The following EPHA3 variants were observed in gnomAD, a reference collection of about 807,000 sequenced individuals.
EPHA3 encodes EPH receptor A3, also known as ephrin type-A receptor 3.
A neutral mutation model predicts 107.1 loss-of-function variants in EPHA3; 42 were observed. The observed-to-expected ratio is 0.39, with a 90% CI of 0.31 to 0.51. The LOEUF (loss-of-function observed/expected upper bound fraction) is 0.51. EPHA3 is among the 20% of genes least tolerant of loss of function. The pLI, the probability that EPHA3 is intolerant of heterozygous loss-of-function variation, is 0.78. For synonymous variants in EPHA3, 461 were observed against 424.8 expected (o/e 1.09, Z -1.05); for missense variants, 1,183 against 1,211.2 (o/e 0.98, Z 0.35).
chr3:89,136,330 C>CTTTTTTTTTTTTT (rs67054298), intron 2 of EPHA3, among the ~76,000 whole-genome samples: 1,186 of 23,392 alleles, frequency 0.051, 381 homozygotes, highest in Admixed American at 0.092. Flanking sequence ...ATCTTACAGG[C>CTTTTTTTTTTTTT]TTTTTTTTTT....
chr3:89,429,088 T>C lies in EPHA3; in HGVS notation c.2075-18T>C. ...TTGAACTGTACTGATTATTATTTAT[T>C]ATTTACTGTATATCTAGGTAAGCCA... On this transcript the variant is annotated intron_variant, in intron 11 of 16. Coordinates refer to ENST00000336596, the MANE Select transcript of EPHA3 (RefSeq NM_005233.6). 6.5e-7 allele frequency: 1 copy of C among 1,542,652 alleles called. No individual in the cohort carries two copies. Among genetic ancestry groups the C allele is most frequent in the Non-Finnish European group, 9.0e-7 (1 of 1,116,262 alleles).
At chr3:89,284,197 A>G (rs560581247) in intron 3 of EPHA3, among the ~76,000 whole-genome samples, 10 of 152,172 alleles carry the variant, frequency 6.6e-5, no homozygotes, top group Non-Finnish European at 1.0e-4. Context: ...TTTAAAGTCC[A>G]TACTCATTTA....
At chr3:89,169,708 G>T (rs1469281212) in intron 2 of EPHA3, among the ~76,000 whole-genome samples, 1 of 152,142 alleles carries the variant, frequency 6.6e-6, no homozygotes, top group Non-Finnish European at 1.5e-5. Context: ...TACATAAAGA[G>T]ACACTTCTCT....
chr3:89,312,621 G>C (rs1285959483), intron 3 of EPHA3, among the ~76,000 whole-genome samples: 1 of 151,728 alleles, frequency 6.6e-6, no homozygotes, highest in African/African-American at 2.4e-5. Flanking sequence ...TACATGTGCA[G>C]GTTTGTTACA....
chr3:89,343,441 C>G (rs1195087969), intron 5 of EPHA3, among the ~76,000 whole-genome samples: 1 of 152,148 alleles, frequency 6.6e-6, no homozygotes, highest in Non-Finnish European at 1.5e-5. Context: ...GTCCCCTAAG[C>G]TCAGTATGTC....
intron 15 of EPHA3, among the ~76,000 whole-genome samples, chr3:89,458,865 C>A (rs1710156328): frequency 6.6e-6 from 1 of 152,188 alleles, no homozygotes; most frequent in Non-Finnish European, 1.5e-5. Context: ...AGAATGAGTT[C>A]ATGTCCTTTG....
At chr3:89,326,967 T>A (rs537324132) in intron 3 of EPHA3, among the ~76,000 whole-genome samples, 2 of 152,220 alleles carry the variant, frequency 1.3e-5, no homozygotes, top group South Asian at 4.1e-4. Context: ...CATGTGATAA[T>A]GGAGAATTGC....
intron 2 of EPHA3, among the ~76,000 whole-genome samples, chr3:89,139,882 T>C (rs1406276009): frequency 6.6e-6 from 1 of 151,778 alleles, no homozygotes; most frequent in Non-Finnish European, 1.5e-5. Context: ...TTATACTTTA[T>C]AGAATTTCAA....
chr3:89,449,125 A>G, intron 13 of EPHA3, 100 bp from the exon 14 acceptor site: 2 of 1,183,030 alleles, frequency 1.7e-6, no homozygotes, highest in Non-Finnish European at 2.2e-6. Context: ...ATTTCAGAAC[A>G]GAAATACTAT....
At chr3:89,304,304 C>T (rs1706560304) in intron 3 of EPHA3, among the ~76,000 whole-genome samples, 1 of 152,114 alleles carries the variant, frequency 6.6e-6, no homozygotes, top group Admixed American at 6.6e-5. Flanking sequence ...CCAACGTAGA[C>T]ATGGTGATAT....
In EPHA3 at chr3:89,482,087, T is replaced by C. The variant is rs752583163; in HGVS notation, c.*2585T>C. On this transcript the variant is annotated 3_prime_UTR_variant, in exon 17 of 17. Transcript: ENST00000336596. ...GTAAAATGATTTGTAGTGGAAACAT[T>C]TATATTTTTATAATAAACATAATGA... 30 of 210,142 alleles carry C rather than the reference T, an allele frequency of 1.4e-4. No individual in the cohort carries two copies. Among genetic ancestry groups the C allele is most frequent in the Non-Finnish European group, 2.7e-4 (28 of 102,986 alleles). The allele number at this position is 210,142 out of a possible 1,614,324, so 13.0% of individuals were successfully genotyped here.
At chr3:89,284,232 T>C (rs1706023236) in intron 3 of EPHA3, among the ~76,000 whole-genome samples, 1 of 152,146 alleles carries the variant, frequency 6.6e-6, no homozygotes, top group Non-Finnish European at 1.5e-5. Flanking sequence ...ACATTTGGGG[T>C]AGTTCTGTAA....
chr3:89,305,005 G>A (rs1706580491), intron 3 of EPHA3, among the ~76,000 whole-genome samples: 1 of 152,064 alleles, frequency 6.6e-6, no homozygotes, highest in Non-Finnish European at 1.5e-5. Context: ...TTAAAAGATT[G>A]TTCATTTCAT....
In EPHA3 at chr3:89,450,360, G is replaced by A. The variant is rs1434347368; in HGVS notation, c.2680G>A (p.Ala894Thr). 6.2e-7 allele frequency: 1 copy of A among 1,612,286 alleles called. No homozygotes were observed. The highest frequency in any genetic ancestry group is 1.7e-5 in the Admixed American group (1 of 59,838). ...CGGCAGCCTGAAGATCATCACCAGTGCAGCCGCAAGGTGACACATTCAATT... is the reference window on the plus strand; with the variant it reads ...CGGCAGCCTGAAGATCATCACCAGTACAGCCGCAAGGTGACACATTCAATT... ...NPGSLKIITSAAARPSNLLLD... is the reference protein window; with the variant it reads ...NPGSLKIITSTAARPSNLLLD... The change falls in exon 15 of 17, where the codon GCA (alanine) becomes ACA (threonine). Residue 894 changes from alanine (A) to threonine (T), a missense_variant. Ala to Thr is a moderately conservative substitution (Grantham distance 58). Transcript: ENST00000336596.
chr3:89,370,233 C>A (rs1312835723), intron 5 of EPHA3, among the ~76,000 whole-genome samples: 25 of 148,602 alleles, frequency 1.7e-4, no homozygotes, highest in Middle Eastern at 3.5e-3. Flanking sequence ...CAATATTCAC[C>A]ATAGCAAAGA....
intron 1 of EPHA3, among the ~76,000 whole-genome samples, chr3:89,114,401 A>C (rs1263136958): frequency 6.6e-6 from 1 of 152,154 alleles, no homozygotes; most frequent in African/African-American, 2.4e-5. Flanking sequence ...TCGTTGGTGC[A>C]AAGGGAAAAC....
At chr3:89,151,032 A>T (rs1182307179) in intron 2 of EPHA3, among the ~76,000 whole-genome samples, 1 of 152,064 alleles carries the variant, frequency 6.6e-6, no homozygotes, top group Non-Finnish European at 1.5e-5. Flanking sequence ...TACGCTTAAC[A>T]GTAGACCCTG....
At chr3:89,330,002 A>G (rs1446084487) in intron 3 of EPHA3, among the ~76,000 whole-genome samples, 1 of 152,060 alleles carries the variant, frequency 6.6e-6, no homozygotes, top group South Asian at 2.1e-4. Flanking sequence ...AAATGTTTCT[A>G]TACAATTACA....
intron 3 of EPHA3, among the ~76,000 whole-genome samples, chr3:89,321,773 T>C (rs1248981277): frequency 6.6e-6 from 1 of 152,090 alleles, no homozygotes; most frequent in Non-Finnish European, 1.5e-5. Context: ...GAATGTTGTA[T>C]TACTTTTGAA....
Sources: gnomAD v4.1 joint callset for allele counts (sites outside exome capture counted in the v4.1 genomes callset) on GRCh38, gnomAD v4.1.1 for gene constraint, MANE v1.5 for transcripts, NCBI Gene and HGNC (gene_info 2026-07-23, HGNC 2026-07-21) for gene names.